The following DYRK4 variants were observed in gnomAD, a reference collection of about 807,000 sequenced individuals.
DYRK4 encodes dual specificity tyrosine phosphorylation regulated kinase 4.
Under a neutral mutation model 68.3 loss-of-function variants are expected in DYRK4, and 64 were observed. The observed-to-expected ratio is 0.94, with a 90% CI of 0.77 to 1.15. The LOEUF (loss-of-function observed/expected upper bound fraction) is 1.15. Ranked by LOEUF, DYRK4 falls within the 50% of genes most tolerant of loss-of-function variation. The probability of loss-of-function intolerance (pLI) is 0.00; values close to 1 mark genes in which losing one functional copy is unlikely to be tolerated. For synonymous variants in DYRK4, 274 were observed against 289.9 expected, an observed-to-expected ratio of 0.95 and a Z score of 0.56; for missense variants, 740 against 764.7, an observed-to-expected ratio of 0.97 and a Z score of 0.38.
intron 2 of DYRK4, among the ~76,000 whole-genome samples, chr12:4,568,872 T>A (rs1362001728): frequency 6.6e-6 from 1 of 152,218 alleles, no homozygotes; most frequent in African/African-American, 2.4e-5. Context: ...AATTTCTTAG[T>A]TTGTTCAAAA....
intron 8 of DYRK4, among the ~76,000 whole-genome samples, chr12:4,598,260 G>T (rs755724297): frequency 7.9e-5 from 12 of 152,144 alleles, no homozygotes; most frequent in Non-Finnish European, 7.4e-5. Context: ...AAAGCTAGAT[G>T]ATCTTAGAAA....
Position 4,596,156 on chromosome 12 carries a change from A to C in DYRK4, c.635A>C (p.His212Pro), listed in dbSNP as rs776320698. The change falls in exon 7 of 15, where the codon CAT becomes CCT. Residue 212 changes from histidine to proline, a missense_variant. By Grantham distance (77) the His-to-Pro change is moderately conservative (BLOSUM62 -2). Coordinates refer to ENST00000543431, the MANE Select transcript of DYRK4 (RefSeq NM_001394779.1). ...DEHGFYLKVL[H>P]DHIAYRYEVL... ...CCGGCCTGGCTTCCACAGGTCCTGC[A>C]TGATCACATTGCCTACCGCTATGAA... 25 of 1,614,216 alleles carry C rather than the reference A, an allele frequency of 1.5e-5. No individual in the cohort carries two copies.
chr12:4,604,482 A>C (rs1945117431), intron 10 of DYRK4, among the ~76,000 whole-genome samples: 1 of 152,172 alleles, frequency 6.6e-6, no homozygotes, highest in Non-Finnish European at 1.5e-5. Flanking sequence ...TGCTATATTG[A>C]ATACAGACTT....
chr12:4,590,407 GA>G lies in DYRK4; in HGVS notation c.294del (p.Val99SerfsTer3), dbSNP rs1337499209. The stretch of plus-strand genomic sequence containing the variant: ...CGGTAAGCTTCCCACACATTAGCAA[GA>G]AAGTCCTGCTGAAGTCATCCCTGCT... ...NTVSFPHISK[K>X]VLLKSSLLYQ... is the part of the protein sequence containing the mutation. On this transcript the variant is annotated frameshift_variant, in exon 4 of 15. Transcript: ENST00000543431. LOFTEE classifies it high-confidence loss of function. The G allele has an allele frequency of 1.3e-6, 2 of 1,536,036 alleles. No individual in the cohort carries two copies. Among genetic ancestry groups the G allele is most frequent in the Non-Finnish European group, 1.7e-6 (2 of 1,146,876 alleles).
chr12:4,602,301 C>G, intron 10 of DYRK4: 1 of 956,866 alleles, frequency 1.0e-6, no homozygotes, highest in Non-Finnish European at 1.7e-6. Context: ...CATTCTCCCT[C>G]TTTTTTTCTT....
At chr12:4,568,069 A>G (rs1420492165) in intron 2 of DYRK4, 21 bp downstream of exon 2, 1 of 1,532,678 alleles carries the variant, frequency 6.5e-7, no homozygotes, top group Non-Finnish European at 8.7e-7. Context: ...TTGAATTTTC[A>G]CTGGGGAAGA....
intron 12 of DYRK4, 24 bp downstream of exon 12, chr12:4,607,411 G>A: frequency 6.2e-7 from 1 of 1,613,486 alleles, no homozygotes; most frequent in Non-Finnish European, 8.5e-7. Context: ...TGTCTCATGA[G>A]GTGTCACAGG....
intron 4 of DYRK4, chr12:4,590,647 C>A: frequency 9.2e-7 from 1 of 1,091,974 alleles, no homozygotes; most frequent in Non-Finnish European, 1.2e-6. Context: ...TGGGCCCTCT[C>A]TAGAGCTGTC....
At chr12:4,586,291 G>A (rs577854640) in intron 2 of DYRK4, among the ~76,000 whole-genome samples, 26 of 152,226 alleles carry the variant, frequency 1.7e-4, no homozygotes, top group Non-Finnish European at 3.1e-4. Context: ...GACTGCACAG[G>A]AAGCACCCCC....
In DYRK4 at chr12:4,568,386, CT is replaced by C. The variant is rs996651040; in HGVS notation, c.132+350del. ...TTTCCAGAAAAGATCTGCTTTTTTT[CT>C]TTTTTTTTTTTCTTTGAGACGGAGT... On this transcript the variant is annotated intron_variant, in intron 2 of 14. Transcript: ENST00000543431. 2.4e-3 allele frequency among the ~76,000 whole-genome samples: 354 copies of C among 145,746 alleles called. 2 individuals are homozygous for C. The highest frequency in any genetic ancestry group is 6.6e-3 in the African/African-American group (265 of 40,014).
At chr12:4,579,079 A>T (rs1192632392) in intron 2 of DYRK4, among the ~76,000 whole-genome samples, 2 of 152,140 alleles carry the variant, frequency 1.3e-5, no homozygotes, top group Non-Finnish European at 2.9e-5. Context: ...GATTGAGACC[A>T]TCCTGGCCAA....
At chr12:4,598,831 C>T (rs1945047597) in intron 8 of DYRK4, among the ~76,000 whole-genome samples, 197 bp from the exon 9 acceptor site, 2 of 152,182 alleles carry the variant, frequency 1.3e-5, no homozygotes, top group African/African-American at 4.8e-5. Context: ...ATCTGAGAGT[C>T]TGACACAGTT....
At chr12:4,606,509 G>A (rs565351065) in intron 11 of DYRK4, among the ~76,000 whole-genome samples, 5 of 152,266 alleles carry the variant, frequency 3.3e-5, no homozygotes, top group South Asian at 2.1e-4. Flanking sequence ...ACTGGCCTGC[G>A]AGTCATTAAA....
In DYRK4 at chr12:4,604,971, C is replaced by A; in HGVS notation, c.1184C>A (p.Pro395His). 6.2e-7 allele frequency: 1 copy of A among 1,613,966 alleles called. No individual in the cohort carries two copies. The highest frequency in any genetic ancestry group is 8.5e-7 in the Non-Finnish European group (1 of 1,179,870). The stretch of plus-strand genomic sequence containing the variant: ...TCCCCAGAAGTGATCCTGGGCCACC[C>A]CTACGACGTGGCCATTGACATGTGG... Reference protein sequence around the residue: ...YRSPEVILGHPYDVAIDMWSL... With the variant: ...YRSPEVILGHHYDVAIDMWSL... The change falls in exon 11 of 15, where the codon CCC becomes CAC. Residue 395 changes from proline to histidine, a missense_variant. Pro to His is a moderately conservative substitution (Grantham distance 77, BLOSUM62 -2). Transcript: ENST00000543431.
chr12:4,575,760 C>CT (rs996691129), intron 2 of DYRK4, among the ~76,000 whole-genome samples: 2 of 151,950 alleles, frequency 1.3e-5, no homozygotes, highest in African/African-American at 4.8e-5. Flanking sequence ...GCTGTTTGTC[C>CT]TTTTTTATTG....
rs769916908 is a variant in DYRK4 at position 4,562,257 on chromosome 12, C to T, written c.12C>T (p.Leu4=). Reference sequence around the variant, plus strand: ...TCAGCGCCGGCCTCATGCAGCTCCTCCCGCCGCCTATCCGCACCGGAACAA... The same window carrying T: ...TCAGCGCCGGCCTCATGCAGCTCCTTCCGCCGCCTATCCGCACCGGAACAA... MQL[L]PPPIRTGTKT... The change falls in exon 1 of 15, where the codon CTC becomes CTT. Residue 4 remains leucine, a synonymous_variant. Coordinates refer to ENST00000543431, the MANE Select transcript of DYRK4 (RefSeq NM_001394779.1). 15 of 1,533,076 alleles carry T rather than the reference C, an allele frequency of 9.8e-6. 1 individual carries two copies. In the East Asian group the frequency reaches 1.2e-4, roughly 13 times the overall value. The allele number at this position is 1,533,076 out of a possible 1,614,324, so 95.0% of individuals were successfully genotyped here. A position where few individuals can be genotyped will look rare whatever the true frequency, so the allele number is the denominator to read the frequency against.
At chr12:4,597,049 A>C in intron 8 of DYRK4, 17 of 1,158,246 alleles carry the variant, frequency 1.5e-5, no homozygotes, top group Non-Finnish European at 1.8e-5. Flanking sequence ...CTTTGTTTGC[A>C]GTCATTTTCC....
chr12:4,588,280 C>T (rs369780468), intron 2 of DYRK4, among the ~76,000 whole-genome samples: 10 of 152,250 alleles, frequency 6.6e-5, no homozygotes, highest in South Asian at 2.1e-4. Context: ...ACAACCACAA[C>T]GTTACAAGTT....
intron 2 of DYRK4, among the ~76,000 whole-genome samples, chr12:4,577,453 G>A (rs1591789301): frequency 3.9e-5 from 6 of 152,110 alleles, no homozygotes; most frequent in Admixed American, 3.9e-4. Flanking sequence ...TGTTTGTGTG[G>A]GTCTATTTAT....
Sources: gnomAD v4.1 joint callset for allele counts (sites outside exome capture counted in the v4.1 genomes callset) on GRCh38, gnomAD v4.1.1 for gene constraint, MANE v1.5 for transcripts, NCBI Gene and HGNC (gene_info 2026-07-23, HGNC 2026-07-21) for gene names.